Variants in LRBA observed in about 807,000 individuals in gnomAD.
LRBA encodes lipopolysaccharide-responsive and beige-like anchor protein.
In LRBA, 176 loss-of-function variants were observed where a neutral mutation model predicts 330.0. The ratio of observed to expected loss-of-function variants is 0.53; its 90% confidence interval spans 0.47 to 0.60. The LOEUF (loss-of-function observed/expected upper bound fraction) is 0.60, where lower values mean the gene tolerates loss of function less well. Ranked by LOEUF, LRBA falls within the 20% of genes least tolerant of loss-of-function variation. The pLI is 0.00. For missense variants in LRBA, 3,259 were observed against 3,444.8 expected (o/e 0.95, Z 1.35); for synonymous variants, 1,230 against 1,193.0 (o/e 1.03, Z -0.64).
chr4:150,776,911 A>G (rs1737417681), intron 34 of LRBA, among the ~76,000 whole-genome samples: 1 of 152,232 alleles, frequency 6.6e-6, no homozygotes, highest in Admixed American at 6.5e-5. Context: ...GTAACTGGAC[A>G]ACAGGTATTT....
chr4:150,594,938 A>G (rs2126486302), intron 38 of LRBA, among the ~76,000 whole-genome samples: 1 of 152,166 alleles, frequency 6.6e-6, no homozygotes, highest in South Asian at 2.1e-4. Flanking sequence ...ATCCTTTTTA[A>G]CATCTACTGA....
In LRBA at chr4:150,679,761, A is replaced by G. The variant is rs146610169; in HGVS notation, c.5921+3790T>C. On this transcript the variant is annotated intron_variant, in intron 37 of 56. Coordinates refer to ENST00000651943, the MANE Select transcript of LRBA (RefSeq NM_001364905.1). ...ATCAAAAGCATTCAAGAATTTTGAT[A>G]TGAGGTTCCGTTAAAAATTCCTAAA... is the stretch of plus-strand genomic sequence containing the variant. 2.9e-3 allele frequency: 440 copies of G among 152,302 alleles called. 1 individual carries two copies. The highest frequency in any genetic ancestry group is 9.9e-3 in the African/African-American group (413 of 41,578). 9.4% of individuals were successfully genotyped at this position (152,302 alleles called of 1,614,324 possible).
intron 48 of LRBA, among the ~76,000 whole-genome samples, chr4:150,348,904 TTG>T (rs1736767440): frequency 6.6e-6 from 1 of 152,198 alleles, no homozygotes; most frequent in Admixed American, 6.5e-5. Flanking sequence ...ATACAGTCAA[TTG>T]ATGTTCTGAT....
intron 2 of LRBA, among the ~76,000 whole-genome samples, chr4:151,000,565 T>C (rs1474365807): frequency 1.3e-5 from 2 of 152,228 alleles, no homozygotes; most frequent in African/African-American, 4.8e-5. Context: ...CTTAGTAAAG[T>C]GACTAAAGGA....
intron 22 of LRBA, among the ~76,000 whole-genome samples, chr4:150,866,909 T>C (rs539288939): frequency 1.3e-5 from 2 of 152,114 alleles, no homozygotes; most frequent in African/African-American, 2.4e-5. Flanking sequence ...TAGAGTTATA[T>C]ACACGTAGTA....
chr4:150,574,786 G>C (rs1458958347), intron 40 of LRBA, among the ~76,000 whole-genome samples: 9 of 151,912 alleles, frequency 5.9e-5, no homozygotes, highest in Admixed American at 2.0e-4. Flanking sequence ...GAAATAGAAG[G>C]CCCAATTAAG....
intron 44 of LRBA, among the ~76,000 whole-genome samples, chr4:150,460,733 C>G (rs1333640118): frequency 5.3e-5 from 8 of 151,728 alleles, no homozygotes. Flanking sequence ...AATAACAGCT[C>G]ATTTTGTGGT....
intron 44 of LRBA, 40 bp downstream of exon 44, chr4:150,467,633 T>G: frequency 8.1e-7 from 1 of 1,237,612 alleles, no homozygotes; most frequent in Non-Finnish European, 1.2e-6. Flanking sequence ...TATTTTTATA[T>G]GCAAGACAAT....
chr4:150,672,427 A>G (rs1263349129), intron 37 of LRBA, among the ~76,000 whole-genome samples: 2 of 152,036 alleles, frequency 1.3e-5, no homozygotes, highest in Non-Finnish European at 2.9e-5. Context: ...TTACTAAGGT[A>G]CCATAAACTT....
Position 150,310,247 on chromosome 4 carries a change from C to A in LRBA, c.7831G>T (p.Val2611Phe). Residue 2611 changes from valine (V) to phenylalanine (F), a missense_variant, in exon 52 of 57, where the codon GTC becomes TTC. Coordinates refer to ENST00000651943, the MANE Select transcript of LRBA (RefSeq NM_001364905.1). Reference sequence around the variant, plus strand: ...AAATTACCTGTGTCTGTAGAATAGACTCTGAAACTTTTATCCCAGAAGCCA... The same window carrying A: ...AAATTACCTGTGTCTGTAGAATAGAATCTGAAACTTTTATCCCAGAAGCCA... ...VCGFWDKSFR[V>F]YSTDTGRLIQ... 1 of 1,611,988 alleles carries A rather than the reference C, an allele frequency of 6.2e-7. No homozygotes were observed. The highest frequency in any genetic ancestry group is 1.3e-5 in the African/African-American group (1 of 74,988).
intron 38 of LRBA, among the ~76,000 whole-genome samples, chr4:150,594,077 T>A (rs1581768887): frequency 6.6e-6 from 1 of 152,096 alleles, no homozygotes; most frequent in South Asian, 2.1e-4. Flanking sequence ...CCACTTTAAT[T>A]TATTTATTTA....
chr4:150,831,300 T>C (rs1456237788), intron 29 of LRBA, among the ~76,000 whole-genome samples: 1 of 151,840 alleles, frequency 6.6e-6, no homozygotes, highest in African/African-American at 2.4e-5. Flanking sequence ...GAATATAAGC[T>C]CCATAAGGAA....
intron 2 of LRBA, among the ~76,000 whole-genome samples, chr4:150,978,607 T>C (rs978639561): frequency 2.0e-5 from 3 of 152,174 alleles, no homozygotes; most frequent in East Asian, 3.8e-4. Context: ...AATAGCTATT[T>C]TGAGGAAACT....
intron 40 of LRBA, among the ~76,000 whole-genome samples, chr4:150,508,478 G>A (rs1003167870): frequency 5.3e-5 from 8 of 151,924 alleles, no homozygotes; most frequent in African/African-American, 1.5e-4. Flanking sequence ...TAGTAGAGGC[G>A]GGGTTTCACC....
At chr4:150,990,163 A>G (rs1741911517) in intron 2 of LRBA, among the ~76,000 whole-genome samples, 1 of 152,196 alleles carries the variant, frequency 6.6e-6, no homozygotes, top group Non-Finnish European at 1.5e-5. Context: ...GAGAAATCCC[A>G]TTTCAGCCAT....
intron 36 of LRBA, among the ~76,000 whole-genome samples, chr4:150,685,387 AATATATATATATATATAT>A (rs781582762): frequency 1.7e-3 from 21 of 12,336 alleles, no homozygotes; most frequent in South Asian, 5.4e-3. Flanking sequence ...TAAGGAATCA[AATATATATATATATATAT>A]ATATATATAT....
At chr4:150,999,407 T>C (rs989462288) in intron 2 of LRBA, among the ~76,000 whole-genome samples, 5 of 151,850 alleles carry the variant, frequency 3.3e-5, no homozygotes, top group African/African-American at 1.2e-4. Context: ...AAATAATTAG[T>C]CTTTGGCTGG....
chr4:150,677,533 C>CTCAG (rs1437030793), intron 37 of LRBA, among the ~76,000 whole-genome samples: 2 of 151,968 alleles, frequency 1.3e-5, no homozygotes, highest in Non-Finnish European at 2.9e-5. Flanking sequence ...TGAAATTATA[C>CTCAG]AAAAATATTT....
chr4:150,651,725 T>G (rs1190984772), intron 37 of LRBA, among the ~76,000 whole-genome samples: 1 of 152,176 alleles, frequency 6.6e-6, no homozygotes, highest in African/African-American at 2.4e-5. Context: ...TGCAACTGCC[T>G]GGGACACAAT....
Sources: allele counts gnomAD v4.1 joint callset (sites outside exome capture counted in the v4.1 genomes callset), GRCh38; gene constraint gnomAD v4.1.1; transcripts MANE v1.5; gene names NCBI Gene and HGNC (gene_info 2026-07-23, HGNC 2026-07-21).